KATNAL2: variants seen among roughly 807,000 people sequenced by gnomAD.
KATNAL2 encodes the protein katanin p60 ATPase-containing subunit A-like 2.
A neutral mutation model predicts 76.3 loss-of-function variants in KATNAL2; 52 were observed. The ratio of observed to expected loss-of-function variants is 0.68; its 90% confidence interval spans 0.55 to 0.86. KATNAL2 has a LOEUF of 0.86. KATNAL2 is among the 40% of genes least tolerant of loss of function. KATNAL2 has a pLI of 0.00. For synonymous variants in KATNAL2, 243 were observed against 244.2 expected (o/e 1.00, Z 0.05); for missense variants, 660 against 668.9 (o/e 0.99, Z 0.15).
intron 15 of KATNAL2, among the ~76,000 whole-genome samples, chr18:47,080,986 TCCTC>T (rs1325761945): frequency 1.3e-5 from 2 of 150,808 alleles, no homozygotes; most frequent in East Asian, 2.0e-4. Context: ...CTTCCTTCCT[TCCTC>T]CCTCCCTCCT....
At chr18:46,951,760 G>A (rs1467142814) in intron 3 of KATNAL2, among the ~76,000 whole-genome samples, 4 of 152,056 alleles carry the variant, frequency 2.6e-5, no homozygotes, top group African/African-American at 9.7e-5. Flanking sequence ...CAATGGAGAA[G>A]GCATTGCTCC....
chr18:47,063,594 C>A (rs2061701491), intron 10 of KATNAL2, among the ~76,000 whole-genome samples: 1 of 151,886 alleles, frequency 6.6e-6, no homozygotes, highest in Non-Finnish European at 1.5e-5. Context: ...GCCAAGAAAA[C>A]CAAGAGAGAA....
intron 3 of KATNAL2, chr18:47,033,795 T>C: frequency 1.9e-6 from 3 of 1,614,204 alleles, no homozygotes; most frequent in East Asian, 2.2e-5. Context: ...AAGAGAGTGC[T>C]TCTGGCTTTG....
At position 46,947,543 on chromosome 18, in the gene KATNAL2, T is replaced by A. The variant is rs578235159; in HGVS notation, c.51+620T>A. On this transcript the variant is annotated intron_variant, in intron 3 of 17. Transcript: ENST00000683218. ...CGATGAACATGAATTGAGGACACAT[T>A]TGTCTGCCAGGCACTGGGGAGATAA... Among the ~76,000 whole-genome samples the A allele has an allele frequency of 8.5e-5, 13 of 152,066 alleles. No homozygotes were observed. In the South Asian group the frequency reaches 1.9e-3, roughly 22 times the overall value.
chr18:47,075,200 C>T (rs72903269), intron 13 of KATNAL2, 77 bp from the exon 14 acceptor site: 18,940 of 1,151,924 alleles, frequency 0.016, 205 homozygotes, highest in Non-Finnish European at 0.02. Context: ...TACAGTCATT[C>T]TAAGTTTTTA....
At chr18:47,044,966 T>G (rs1326069969) in intron 3 of KATNAL2, among the ~76,000 whole-genome samples, 2 of 151,854 alleles carry the variant, frequency 1.3e-5, no homozygotes, top group African/African-American at 4.8e-5. Context: ...TAGGTGGTAG[T>G]GTGCACCTGT....
chr18:46,957,322 C>G (rs1459125628), intron 3 of KATNAL2, among the ~76,000 whole-genome samples: 1 of 143,358 alleles, frequency 7.0e-6, no homozygotes, highest in Non-Finnish European at 1.5e-5. Flanking sequence ...GGCGCGGTCT[C>G]GGCTCACTGC....
intron 10 of KATNAL2, among the ~76,000 whole-genome samples, chr18:47,064,451 A>T (rs190086741): frequency 6.6e-6 from 1 of 152,202 alleles, no homozygotes; most frequent in East Asian, 1.9e-4. Context: ...TGCTGTGAGC[A>T]GTACCCAGGG....
intron 3 of KATNAL2, among the ~76,000 whole-genome samples, chr18:47,031,297 C>G (rs943463886): frequency 2.6e-5 from 4 of 152,050 alleles, no homozygotes; most frequent in Admixed American, 1.3e-4. Flanking sequence ...TCTTACCTTT[C>G]AGTCCGAATG....
At chr18:46,946,666 T>G (rs2059388431) in intron 2 of KATNAL2, 120 bp downstream of exon 2, 13 of 1,107,762 alleles carry the variant, frequency 1.2e-5, no homozygotes, top group Non-Finnish European at 1.6e-5. Context: ...GCCAGTGTCA[T>G]GCAAACACTC....
chr18:47,066,778 G>GA (rs372442261), intron 10 of KATNAL2, among the ~76,000 whole-genome samples: 1 of 142,584 alleles, frequency 7.0e-6, no homozygotes, highest in East Asian at 2.1e-4. Flanking sequence ...CTTCTTCAGG[G>GA]AAAATCATTG....
chr18:46,927,209 G>A (rs1326351660), intron 1 of KATNAL2, among the ~76,000 whole-genome samples: 6 of 152,136 alleles, frequency 3.9e-5, no homozygotes, highest in African/African-American at 1.4e-4. Context: ...GCATGTTTTT[G>A]CAGTGGCTGG....
At chr18:47,082,998 TCA>T (rs1164038629) in intron 15 of KATNAL2, among the ~76,000 whole-genome samples, 9 of 152,344 alleles carry the variant, frequency 5.9e-5, no homozygotes, top group African/African-American at 2.2e-4. Flanking sequence ...CCCAAAATTC[TCA>T]CACATAAATA....
rs1007225197 is a variant in KATNAL2, at chr18:46,922,944, A to G, written c.-510+5018A>G. Reference sequence around the variant, plus strand: ...TAATATTATATATGATATTGTATATATAATATAGTTAAATCCTTAGATCTG... The same window carrying G: ...TAATATTATATATGATATTGTATATGTAATATAGTTAAATCCTTAGATCTG... On this transcript the variant is annotated intron_variant, in intron 1 of 17. Coordinates refer to ENST00000683218, the MANE Select transcript of KATNAL2 (RefSeq NM_001387690.1). Among the ~76,000 whole-genome samples the G allele has an allele frequency of 1.7e-4, 25 of 148,214 alleles. No individual in the cohort carries two copies. The South Asian group carries it at 5.2e-3, about 31-fold the overall frequency.
At chr18:47,033,904 A>C in intron 3 of KATNAL2, 1 of 1,613,198 alleles carries the variant, frequency 6.2e-7, no homozygotes, top group Non-Finnish European at 8.5e-7. Context: ...ATGGCTGGGC[A>C]CCGTTTTCGG....
intron 3 of KATNAL2, among the ~76,000 whole-genome samples, chr18:47,036,719 GT>G (rs1175120495): frequency 2.0e-5 from 3 of 152,148 alleles, no homozygotes; most frequent in Non-Finnish European, 4.4e-5. Context: ...AATATCTATG[GT>G]TTTTTCTCTT....
At chr18:47,084,556 AT>A in intron 15 of KATNAL2, 1 of 602,316 alleles carries the variant, frequency 1.7e-6, no homozygotes, top group Non-Finnish European at 3.0e-6. Flanking sequence ...TGTCTTTAAA[AT>A]ACGACTGTGG....
At position 47,038,074 on chromosome 18, in the gene KATNAL2, A is replaced by T. The variant is rs534286881; in HGVS notation, c.52-8383A>T. Among the ~76,000 whole-genome samples the T allele has an allele frequency of 2.0e-4, 30 of 152,292 alleles. No individual in the cohort carries two copies. In the South Asian group the frequency reaches 5.4e-3, roughly 27 times the overall value. Reference sequence around the variant, plus strand: ...CATTATAGACATCGACTCTTTTGCAAACTGTGATTCTAATAAAAAAAAAGT... The same window carrying T: ...CATTATAGACATCGACTCTTTTGCATACTGTGATTCTAATAAAAAAAAAGT... On this transcript the variant is annotated intron_variant, in intron 3 of 17. Coordinates refer to ENST00000683218, the MANE Select transcript of KATNAL2 (RefSeq NM_001387690.1).
At chr18:46,939,068 A>C (rs2146610656) in intron 1 of KATNAL2, among the ~76,000 whole-genome samples, 1 of 152,300 alleles carries the variant, frequency 6.6e-6, no homozygotes, top group African/African-American at 2.4e-5. Context: ...GAGGCTAGGC[A>C]TGGTGGTTCA....
Sources: allele counts gnomAD v4.1 joint callset (sites outside exome capture counted in the v4.1 genomes callset), GRCh38; gene constraint gnomAD v4.1.1; transcripts MANE v1.5; gene names NCBI Gene and HGNC (gene_info 2026-07-23, HGNC 2026-07-21).